OPCML: variants seen among roughly 807,000 people sequenced by gnomAD.
The protein encoded by OPCML is opioid binding protein/cell adhesion molecule like.
In OPCML, 13 loss-of-function variants were observed where a neutral mutation model predicts 37.8. The ratio of observed to expected loss-of-function variants is 0.34; its 90% CI spans 0.22 to 0.55. OPCML has a LOEUF of 0.55. OPCML is among the 20% of genes least tolerant of loss of function. The pLI, the probability that OPCML is intolerant of heterozygous loss-of-function variation, is 0.91. For missense variants in OPCML, 341 were observed against 435.6 expected (o/e 0.78, Z 1.93); for synonymous variants, 176 against 168.8 (o/e 1.04, Z -0.33).
intron 1 of OPCML, among the ~76,000 whole-genome samples, chr11:133,135,617 G>A (rs74378636): frequency 1.2e-3 from 175 of 152,168 alleles, no homozygotes; most frequent in Non-Finnish European, 1.8e-3. Context: ...CCTTTTCATT[G>A]TAATATTCTG....
chr11:132,738,694 G>A (rs866350412), intron 2 of OPCML, among the ~76,000 whole-genome samples: 4 of 152,082 alleles, frequency 2.6e-5, no homozygotes, highest in Non-Finnish European at 5.9e-5. Context: ...AGTTACTTAC[G>A]GCTCCTGGTG....
chr11:133,188,173 AT>A (rs1938166246), intron 1 of OPCML, among the ~76,000 whole-genome samples: 1 of 152,226 alleles, frequency 6.6e-6, no homozygotes, highest in Non-Finnish European at 1.5e-5. Flanking sequence ...GAATGAATCC[AT>A]TTGCCAAAAG....
chr11:133,218,126 A>G (rs78216472), intron 1 of OPCML, among the ~76,000 whole-genome samples: 2,555 of 151,686 alleles, frequency 0.017, 40 homozygotes, highest in Non-Finnish European at 0.024. Context: ...CTAGGGTGGG[A>G]ATGCCATGTG....
intron 1 of OPCML, among the ~76,000 whole-genome samples, chr11:133,176,308 AAG>A (rs1396259532): frequency 2.6e-5 from 4 of 151,720 alleles, no homozygotes; most frequent in Admixed American, 2.6e-4. Flanking sequence ...GCATCAGGAA[AAG>A]AGAGCAATGC....
At chr11:132,724,218 A>G (rs1459529492) in intron 2 of OPCML, among the ~76,000 whole-genome samples, 1 of 152,118 alleles carries the variant, frequency 6.6e-6, no homozygotes, top group Non-Finnish European at 1.5e-5. Context: ...GCTTCCCCAA[A>G]ACATAAAGGA....
chr11:133,390,789 T>G (rs1945159082), intron 1 of OPCML, among the ~76,000 whole-genome samples: 1 of 152,174 alleles, frequency 6.6e-6, no homozygotes, highest in Non-Finnish European at 1.5e-5. Context: ...GAAGCATCAC[T>G]TCTATTCCTT....
chr11:133,093,226 C>T (rs1948941009), intron 1 of OPCML, among the ~76,000 whole-genome samples: 1 of 151,750 alleles, frequency 6.6e-6, no homozygotes, highest in African/African-American at 2.4e-5. Context: ...TGCCAACCCC[C>T]CCAACCTTTC....
At chr11:132,589,817 A>T (rs2096481372) in intron 3 of OPCML, among the ~76,000 whole-genome samples, 1 of 152,190 alleles carries the variant, frequency 6.6e-6, no homozygotes, top group Non-Finnish European at 1.5e-5. Flanking sequence ...GCGGAGGAGA[A>T]ATTTTCCTTA....
Position 133,259,170 on chromosome 11 carries a change from T to C in OPCML, c.61+273094A>G, listed in dbSNP as rs1347308374. Among the ~76,000 whole-genome samples, 18 of 152,304 alleles carry C rather than the reference T, an allele frequency of 1.2e-4. No homozygotes were observed. In the East Asian group the frequency reaches 3.5e-3, roughly 29 times the overall value. On this transcript the variant is annotated intron_variant, in intron 1 of 7. Coordinates refer to ENST00000524381, the MANE Select transcript of OPCML (RefSeq NM_001012393.5). ...AGGTGCAGTGACAGGAAATGACTTGTTCACGGTTCCAGAGACAGGAAAAGG... is the reference window on the plus strand; with the variant it reads ...AGGTGCAGTGACAGGAAATGACTTGCTCACGGTTCCAGAGACAGGAAAAGG...
In OPCML at chr11:133,169,203, C is replaced by T. The variant is rs74862104; in HGVS notation, c.62-226193G>A. 3.7e-3 allele frequency among the ~76,000 whole-genome samples: 566 copies of T among 152,200 alleles called. 1 individual carries two copies. Among genetic ancestry groups the T allele is most frequent in the African/African-American group, 0.013 (542 of 41,526 alleles). ...ATCTTCACTGATAAAGAAACTGGGG[C>T]ACAGAGAGATCAAGCAACTTTCCCA... On this transcript the variant is annotated intron_variant, in intron 1 of 7. Transcript: ENST00000524381.
intron 1 of OPCML, among the ~76,000 whole-genome samples, chr11:133,449,536 C>G (rs931563799): frequency 1.3e-5 from 2 of 152,190 alleles, no homozygotes; most frequent in Non-Finnish European, 2.9e-5. Context: ...ACATTTCTGG[C>G]CTCCAGAAGT....
intron 1 of OPCML, among the ~76,000 whole-genome samples, chr11:133,088,081 T>C (rs1218430534): frequency 6.6e-6 from 1 of 152,186 alleles, no homozygotes; most frequent in African/African-American, 2.4e-5. Context: ...TCAAAATCCA[T>C]GTGAAAAGTC....
At chr11:132,783,453 G>C (rs1947101365) in intron 2 of OPCML, among the ~76,000 whole-genome samples, 1 of 152,134 alleles carries the variant, frequency 6.6e-6, no homozygotes, top group Admixed American at 6.5e-5. Flanking sequence ...TCACAGCCAT[G>C]TTCAAACAGT....
chr11:132,744,619 G>C (rs1945551636), intron 2 of OPCML, among the ~76,000 whole-genome samples: 1 of 152,230 alleles, frequency 6.6e-6, no homozygotes, highest in South Asian at 2.1e-4. Context: ...TAGGCATTGA[G>C]CATGTGTTAT....
intron 1 of OPCML, among the ~76,000 whole-genome samples, chr11:133,308,656 T>C (rs1942992707): frequency 6.6e-6 from 1 of 152,110 alleles, no homozygotes; most frequent in South Asian, 2.1e-4. Context: ...ACAGTAACAA[T>C]GAGCACACCC....
intron 1 of OPCML, among the ~76,000 whole-genome samples, chr11:133,471,595 T>G (rs12280458): frequency 0.35 from 52,632 of 152,016 alleles, 13,278 homozygotes; most frequent in African/African-American, 0.72. Context: ...CCCTTCTGTA[T>G]CTTTTAAAAT....
intron 1 of OPCML, among the ~76,000 whole-genome samples, chr11:133,265,964 T>C (rs958783074): frequency 6.6e-6 from 1 of 152,188 alleles, no homozygotes; most frequent in African/African-American, 2.4e-5. Flanking sequence ...GAATAAAGTA[T>C]TAATAGACCT....
intron 2 of OPCML, among the ~76,000 whole-genome samples, chr11:132,838,081 G>A (rs747194893): frequency 6.6e-6 from 1 of 152,138 alleles, no homozygotes; most frequent in Non-Finnish European, 1.5e-5. Flanking sequence ...ATGCTGAGAG[G>A]AAGACACTTG....
intron 4 of OPCML, among the ~76,000 whole-genome samples, chr11:132,499,558 G>A (rs370323464): frequency 6.6e-6 from 1 of 152,358 alleles, no homozygotes; most frequent in East Asian, 1.9e-4. Flanking sequence ...GAGCATCGCA[G>A]AGGAGGCAGA....
Sources: gnomAD v4.1 joint callset for allele counts (sites outside exome capture counted in the v4.1 genomes callset) on GRCh38, gnomAD v4.1.1 for gene constraint, MANE v1.5 for transcripts, NCBI Gene and HGNC (gene_info 2026-07-23, HGNC 2026-07-21) for gene names.